PKP3: variants seen among roughly 807,000 people sequenced by gnomAD.
PKP3 encodes the protein plakophilin 3, also known as plakophilin-3.
PKP3 carries 66 observed loss-of-function variants against 76.5 expected under a neutral mutation model. The observed-to-expected ratio is 0.86, with a 90% CI of 0.71 to 1.06. The LOEUF (loss-of-function observed/expected upper bound fraction) is 1.06. Among genes scored for constraint, PKP3 ranks in the 50% least tolerant of loss-of-function variants. PKP3 has a pLI of 0.00. For synonymous variants in PKP3, 638 were observed against 516.5 expected (o/e 1.24, Z -3.19); for missense variants, 1,338 against 1,141.0 (o/e 1.17, Z -2.49).
In PKP3 at chr11:400,045, T is replaced by A. The variant is rs763838837; in HGVS notation, c.1352T>A (p.Leu451Gln). Residue 451 changes from leucine (L) to glutamine (Q), a missense_variant, in exon 6 of 13, where the codon CTG becomes CAG. By Grantham distance (113) the Leu-to-Gln change is moderately radical (BLOSUM62 -2). Coordinates refer to ENST00000331563, the MANE Select transcript of PKP3 (RefSeq NM_007183.4). ...GACACGCTGGAGCAGCTCACAGACC[T>A]GGTGTTGAGCCCCCTGTCGGGGGCT... ...ARDTLEQLTD[L>Q]VLSPLSGAGG... 6.2e-7 allele frequency: 1 copy of A among 1,606,978 alleles called. No individual in the cohort carries two copies. The highest frequency in any genetic ancestry group is 1.1e-5 in the South Asian group (1 of 90,376).
chr11:392,720 A>ACCCCCTCCCCCCCCCCCCCCCCCCCC, upstream of PKP3: 1 of 1,257,086 alleles, frequency 8.0e-7, no homozygotes, highest in South Asian at 1.2e-5. Flanking sequence ...TAGGTCTCCC[A>ACCCCCTCCCCCCCCCCCCCCCCCCCC]CCCCTTCCCC....
intron 5 of PKP3, among the ~76,000 whole-genome samples, chr11:399,548 G>A (rs1329718451): frequency 1.7e-5 from 1 of 58,532 alleles, no homozygotes; most frequent in African/African-American, 8.0e-5. Flanking sequence ...CCCCTTTTCT[G>A]CCTGTCCCCC....
chr11:396,959 C>T lies in PKP3; in HGVS notation c.458C>T (p.Pro153Leu). Residue 153 changes from proline to leucine, a missense_variant, in exon 3 of 13, where the codon CCC (proline) becomes CTC (leucine). Physicochemically the swap from Pro to Leu is moderately conservative, Grantham distance 98. Coordinates refer to ENST00000331563, the MANE Select transcript of PKP3 (RefSeq NM_007183.4). ...FGAAGYGGAQ[P>L]TPPMPTRPVS... ...GCCGCTGGGTACGGGGGTGCCCAGC[C>T]CACCCCTCCCATGCCCACCAGGCCC... The T allele has an allele frequency of 6.3e-7, 1 of 1,597,122 alleles. No individual in the cohort carries two copies. The highest frequency in any genetic ancestry group is 1.3e-5 in the African/African-American group (1 of 74,914).
In PKP3 at chr11:396,837, G is replaced by A. The variant is rs369416176; in HGVS notation, c.336G>A (p.Pro112=). Residue 112 remains proline, a synonymous_variant, in exon 3 of 13, where the codon CCG becomes CCA. Transcript: ENST00000331563. The stretch of plus-strand genomic sequence containing the variant: ...AGGGCTTCCGGCCCATCGCCAAGCC[G>A]GCCTACAGCCCAGCCTCCTGGTCCT... ...KTSGFRPIAK[P]AYSPASWSSR... 14 of 1,596,556 alleles carry A rather than the reference G, an allele frequency of 8.8e-6. No homozygotes were observed. The highest frequency in any genetic ancestry group is 4.0e-5 in the African/African-American group (3 of 74,662).
rs560169510 is a variant in PKP3, at chr11:397,539, T to A, written c.945T>A (p.Gly315=). 1 of 1,612,202 alleles carries A rather than the reference T, an allele frequency of 6.2e-7. No individual in the cohort carries two copies. The highest frequency in any genetic ancestry group is 1.1e-5 in the South Asian group (1 of 91,078). The change falls in exon 4 of 13, where the codon GGT becomes GGA. Residue 315 remains glycine, a splice_region_variant and synonymous_variant. Coordinates refer to ENST00000331563, the MANE Select transcript of PKP3 (RefSeq NM_007183.4). The part of the protein sequence containing the change: ...SHRTLQRLSS[G]FDDIDLPSAV... ...TGACCCCTGACCCCTGGCTCCGCAGTTTTGATGACATTGACCTGCCCTCAG... is the reference window on the plus strand; with the variant it reads ...TGACCCCTGACCCCTGGCTCCGCAGATTTGATGACATTGACCTGCCCTCAG...
In PKP3 at chr11:394,533, T is replaced by G. The variant is rs1847020347; in HGVS notation, c.232+9T>G. On this transcript the variant is annotated intron_variant, in intron 1 of 12. Transcript: ENST00000331563. ...GGCCGAGACTGCCAGAGGTAGGCGGTGGGGACAGCGGCGGGGATGGCGGTG... is the reference window on the plus strand; with the variant it reads ...GGCCGAGACTGCCAGAGGTAGGCGGGGGGGACAGCGGCGGGGATGGCGGTG... 4 of 1,370,804 alleles carry G rather than the reference T, an allele frequency of 2.9e-6. No homozygotes were observed. Among genetic ancestry groups the G allele is most frequent in the Non-Finnish European group, 3.7e-6 (4 of 1,068,630 alleles). 84.9% of individuals were successfully genotyped at this position (1,370,804 alleles called of 1,614,324 possible). A position where few individuals can be genotyped will look rare whatever the true frequency, so the allele number is the denominator to read the frequency against.
intron 5 of PKP3, among the ~76,000 whole-genome samples, 174 bp from the exon 6 acceptor site, chr11:399,793 G>A (rs1013397391): frequency 2.6e-5 from 4 of 151,348 alleles, no homozygotes; most frequent in Non-Finnish European, 5.9e-5. Flanking sequence ...CTCTTGCTTG[G>A]TCCCAGCTCT....
In PKP3 at chr11:397,374, G is replaced by C. The variant is rs377399902; in HGVS notation, c.873G>C (p.Ser291=). 6.2e-6 allele frequency: 10 copies of C among 1,606,908 alleles called. No homozygotes were observed. The East Asian group carries it at 1.1e-4, about 18-fold the overall frequency. The part of the protein sequence containing the change: ...VRSLSLSLAD[S]GHLPDVHGFN... ...GCCTCAGCCTCAGCCTGGCTGACTC[G>C]GGCCACCTGCCGGACGTGCATGGGT... Residue 291 remains serine (S), a synonymous_variant, in exon 3 of 13, where the codon TCG becomes TCC. Coordinates refer to ENST00000331563, the MANE Select transcript of PKP3 (RefSeq NM_007183.4).
chr11:399,875 C>T (rs771157440), intron 5 of PKP3, 92 bp from the exon 6 acceptor site: 3 of 1,077,474 alleles, frequency 2.8e-6, no homozygotes, highest in Non-Finnish European at 2.7e-6. Context: ...CAGGCCAGCC[C>T]CTGGGGAGAG....
At chr11:397,997 C>T (rs1847081669) in intron 4 of PKP3, among the ~76,000 whole-genome samples, 2 of 112,076 alleles carry the variant, frequency 1.8e-5, no homozygotes, top group South Asian at 3.4e-4. Context: ...CACACACCTG[C>T]ATCACCTCCA....
At chr11:400,755 C>A in intron 8 of PKP3, 50 bp downstream of exon 8, 2 of 1,079,770 alleles carry the variant, frequency 1.9e-6, no homozygotes, top group Non-Finnish European at 2.3e-6. Flanking sequence ...GACCCCGGCC[C>A]CGCTGACCCC....
chr11:399,676 G>A (rs1847117537), intron 5 of PKP3, among the ~76,000 whole-genome samples: 1 of 148,436 alleles, frequency 6.7e-6, no homozygotes, highest in Non-Finnish European at 1.5e-5. Flanking sequence ...GGCCTCCACT[G>A]CCCGCCTCTT....
chr11:400,811 G>GCCCCGCTCACCCCGGA lies in PKP3; in HGVS notation c.1737+120_1737+135dup, dbSNP rs1847145260. 14 of 378,704 alleles carry GCCCCGCTCACCCCGGA rather than the reference G, an allele frequency of 3.7e-5. 2 individuals carry two copies. In the East Asian group the frequency reaches 9.2e-4, roughly 25 times the overall value. The allele number at this position is 378,704 out of a possible 1,614,324, so 23.5% of individuals were successfully genotyped here. A position where few individuals can be genotyped will look rare whatever the true frequency, so the allele number is the denominator to read the frequency against. ...CGCTCACCCCCGCCCCGCTCACCCC[G>GCCCCGCTCACCCCGGA]CCCCGCTCACCCCGGACCCCGCTCA... On this transcript the variant is annotated intron_variant, in intron 8 of 12. Coordinates refer to ENST00000331563, the MANE Select transcript of PKP3 (RefSeq NM_007183.4).
At position 394,309 on chromosome 11, in the gene PKP3, T is replaced by G; in HGVS notation, c.17T>G (p.Phe6Cys). 6.6e-7 allele frequency: 1 copy of G among 1,514,466 alleles called. No individual in the cohort carries two copies. The highest frequency in any genetic ancestry group is 8.8e-7 in the Non-Finnish European group (1 of 1,137,984). The allele number at this position is 1,514,466 out of a possible 1,614,324, so 93.8% of individuals were successfully genotyped here. Residue 6 changes from phenylalanine to cysteine, a missense_variant, in exon 1 of 13, where the codon TTC becomes TGC. Physicochemically the swap from Phe to Cys is radical, Grantham distance 205 (BLOSUM62 -2). Transcript: ENST00000331563. ...CCTGCCGCCATGCAGGACGGTAACT[T>G]CCTGCTGTCGGCCCTGCAGCCTGAG... MQDGN[F>C]LLSALQPEAG... is the part of the protein sequence containing the mutation.
rs1351715197 is a variant in PKP3 at position 404,858 on chromosome 11, C to G, written c.*289C>G. ...GAGGTGGGGGTTGGCTGTGGCCTGG[C>G]AGTATCTTGGGATAGCCAGCACTGG... On this transcript the variant is annotated 3_prime_UTR_variant, in exon 13 of 13. Transcript: ENST00000331563. This position sits in a 1 kb window ranked among gnomAD's most constrained non-coding sequence, Gnocchi z 4.2. 2.0e-6 allele frequency: 1 copy of G among 494,584 alleles called. No individual in the cohort carries two copies. The highest frequency in any genetic ancestry group is 3.4e-5 in the Admixed American group (1 of 29,606). 30.6% of individuals were successfully genotyped at this position (494,584 alleles called of 1,614,324 possible).
chr11:392,705 C>G, upstream of PKP3: 1 of 1,285,698 alleles, frequency 7.8e-7, no homozygotes, highest in South Asian at 1.2e-5. Flanking sequence ...GGACCACGAG[C>G]CGGGTAGGTC....
intron 10 of PKP3, 67 bp downstream of exon 10, chr11:403,838 G>A (rs1456850965): frequency 3.2e-6 from 5 of 1,584,994 alleles, no homozygotes; most frequent in African/African-American, 2.7e-5. Flanking sequence ...TTAAGTGTGG[G>A]CTTCAGACCA....
intron 6 of PKP3, 45 bp from the exon 7 acceptor site, chr11:400,289 G>C: frequency 5.4e-6 from 8 of 1,490,382 alleles, no homozygotes; most frequent in Non-Finnish European, 5.5e-6. Flanking sequence ...GGCAAGGCCC[G>C]GGATGCGGGG....
chr11:395,162 T>C (rs1224454849), intron 1 of PKP3, among the ~76,000 whole-genome samples: 1 of 152,012 alleles, frequency 6.6e-6, no homozygotes, highest in Admixed American at 6.5e-5. Flanking sequence ...TGTGCATGCG[T>C]GTGAGTGTGA....
Sources: gnomAD v4.1 joint callset for allele counts (sites outside exome capture counted in the v4.1 genomes callset) on GRCh38, gnomAD v4.1.1 for gene constraint, Gnocchi (gnomAD v3.1) non-coding constraint, MANE v1.5 for transcripts, NCBI Gene and HGNC (gene_info 2026-07-23, HGNC 2026-07-21) for gene names.